The following SV2B variants were observed in gnomAD, a reference collection of about 807,000 sequenced individuals.
The protein encoded by SV2B is synaptic vesicle glycoprotein 2B, also known as solute carrier family 22 member B2.
A neutral mutation model predicts 73.9 loss-of-function variants in SV2B; 41 were observed. That is an observed-to-expected ratio of 0.56 (90% CI 0.43 to 0.72). The LOEUF (loss-of-function observed/expected upper bound fraction) is 0.72. Ranked by LOEUF, SV2B falls within the 30% of genes least tolerant of loss-of-function variation. The probability of loss-of-function intolerance (pLI) is 0.00; values close to 1 mark genes in which losing one functional copy is unlikely to be tolerated. For synonymous variants in SV2B, 314 were observed against 314.2 expected (o/e 1.00, Z 0.01); for missense variants, 764 against 857.8 (o/e 0.89, Z 1.37).
intron 1 of SV2B, among the ~76,000 whole-genome samples, chr15:91,131,116 G>C (rs2042630208): frequency 1.3e-5 from 2 of 150,906 alleles, no homozygotes; most frequent in South Asian, 2.1e-4. Context: ...TTTTGGAGAT[G>C]GGGGGAGATT....
Position 91,301,070 on chromosome 15 carries a change from C to T in SV2B, c.*8518C>T, listed in dbSNP as rs796544445. On this transcript the variant is annotated 3_prime_UTR_variant, in exon 13 of 13. Coordinates refer to ENST00000394232, the MANE Select transcript of SV2B (RefSeq NM_001323032.3). This position sits in a 1 kb window ranked among gnomAD's most constrained non-coding sequence, Gnocchi z 4.3. ...CCAGTCCCATGTCACATTGACCAGT[C>T]CTGTGGTCCTATGGCTAAGCGGAGG... is the stretch of plus-strand genomic sequence containing the variant. The T allele has an allele frequency of 1.5e-4, 23 of 152,252 alleles. No individual in the cohort carries two copies. The highest frequency in any genetic ancestry group is 5.3e-4 in the African/African-American group (22 of 41,526). 9.4% of individuals were successfully genotyped at this position (152,252 alleles called of 1,614,324 possible).
At chr15:91,164,381 C>T (rs537564647) in intron 1 of SV2B, among the ~76,000 whole-genome samples, 8 of 152,300 alleles carry the variant, frequency 5.3e-5, no homozygotes, top group African/African-American at 1.9e-4. Context: ...CTTTCAGCTC[C>T]TTGAGGCCAG....
In SV2B at chr15:91,118,358, T is replaced by G. The variant is rs2042235172; in HGVS notation, c.-392+17995T>G. 6.6e-6 allele frequency among the ~76,000 whole-genome samples: 1 copy of G among 152,242 alleles called. No homozygotes were observed. The highest frequency in any genetic ancestry group is 1.5e-5 in the Non-Finnish European group (1 of 68,040). ...GGTGCCTCTTCTAGTCTGGAAATTT[T>G]GGCAGGCAGCTGATTTAATGGAGTA... is the stretch of plus-strand genomic sequence containing the variant. On this transcript the variant is annotated intron_variant, in intron 1 of 12. Transcript: ENST00000394232. The surrounding 1 kb of genome is among the most constrained non-coding windows in gnomAD (Gnocchi z 4.7).
intron 6 of SV2B, among the ~76,000 whole-genome samples, chr15:91,263,158 A>G (rs545710897): frequency 6.6e-6 from 1 of 152,232 alleles, no homozygotes; most frequent in East Asian, 1.9e-4. Flanking sequence ...ACGGACACAC[A>G]TGAACACAGA....
In SV2B at chr15:91,118,659, C is replaced by T. The variant is rs2042243632; in HGVS notation, c.-392+18296C>T. ...AGAGGCTCCCTACTGCCCAAGAGGG[C>T]CGAGGTGAGGCTGAACACTGTCTCA... On this transcript the variant is annotated intron_variant, in intron 1 of 12. Coordinates refer to ENST00000394232, the MANE Select transcript of SV2B (RefSeq NM_001323032.3). The surrounding 1 kb of genome is among the most constrained non-coding windows in gnomAD (Gnocchi z 4.7). Among the ~76,000 whole-genome samples, 1 of 152,150 alleles carries T rather than the reference C, an allele frequency of 6.6e-6. No individual in the cohort carries two copies. Among genetic ancestry groups the T allele is most frequent in the Admixed American group, 6.5e-5 (1 of 15,280 alleles).
rs372807985 is a variant in SV2B at position 91,226,420 on chromosome 15, A to T, written c.157A>T (p.Ile53Phe). Residue 53 changes from isoleucine (I) to phenylalanine (F), a missense_variant, in exon 2 of 13, where the codon ATC (isoleucine) becomes TTC (phenylalanine). By Grantham distance (21) the Ile-to-Phe change is conservative. Transcript: ENST00000394232. ...GATCTATGAGGGCGAGTACCAGGGT[A>T]TCCCTCACCCAGATGATGTCAAGGC... ...DEIYEGEYQG[I>F]PHPDDVKAKQ... 3 of 1,614,198 alleles carry T rather than the reference A, an allele frequency of 1.9e-6. No homozygotes were observed. Among genetic ancestry groups the T allele is most frequent in the Non-Finnish European group, 2.5e-6 (3 of 1,180,024 alleles).
rs2048147131 is a variant in SV2B, at chr15:91,267,527, A to C, written c.1120-28A>C. On this transcript the variant is annotated intron_variant, in intron 7 of 12. Coordinates refer to ENST00000394232, the MANE Select transcript of SV2B (RefSeq NM_001323032.3). This position sits in a 1 kb window ranked among gnomAD's most constrained non-coding sequence, Gnocchi z 4.3. Reference sequence around the variant, plus strand: ...AACAAAGTCACACATTGCTTTCTTTAACAATCCTTCTCTGGTATGGGTTGT... The same window carrying C: ...AACAAAGTCACACATTGCTTTCTTTCACAATCCTTCTCTGGTATGGGTTGT... 6.3e-7 allele frequency: 1 copy of C among 1,587,082 alleles called. No homozygotes were observed. The highest frequency in any genetic ancestry group is 1.7e-5 in the Admixed American group (1 of 59,586).
chr15:91,196,972 A>G (rs2045267668), intron 1 of SV2B, among the ~76,000 whole-genome samples: 2 of 152,176 alleles, frequency 1.3e-5, no homozygotes, highest in Admixed American at 6.5e-5. Context: ...CACAAACAGC[A>G]CTGCTGCAGG....
rs1305362519 is a variant in SV2B at position 91,283,985 on chromosome 15, C to T, written c.1508-36C>T. ...TGCCTTTCTCTCTCCAGCTCCCTTC[C>T]ACTTACATGAACCGAAGGTTTCCTT... On this transcript the variant is annotated intron_variant, in intron 10 of 12. Transcript: ENST00000394232. The surrounding 1 kb of genome is among the most constrained non-coding windows in gnomAD (Gnocchi z 4.3). The T allele has an allele frequency of 1.9e-6, 3 of 1,608,452 alleles. No individual in the cohort carries two copies. The highest frequency in any genetic ancestry group is 2.7e-5 in the African/African-American group (2 of 74,690).
At chr15:91,131,147 GTTTTT>G (rs56130189) in intron 1 of SV2B, among the ~76,000 whole-genome samples, 1 of 118,088 alleles carries the variant, frequency 8.5e-6, no homozygotes, top group Non-Finnish European at 1.7e-5. Context: ...ATGTTTTCTT[GTTTTT>G]TTTTTTTTTT....
chr15:91,125,697 C>G (rs1198461656), intron 1 of SV2B, among the ~76,000 whole-genome samples: 3 of 148,314 alleles, frequency 2.0e-5, no homozygotes, highest in African/African-American at 7.5e-5. Flanking sequence ...AATGCTTGAG[C>G]CTGGAAGTTT....
At chr15:91,276,608 C>T (rs62026633) in intron 9 of SV2B, among the ~76,000 whole-genome samples, 10 of 151,612 alleles carry the variant, frequency 6.6e-5, no homozygotes, top group East Asian at 1.9e-4. Flanking sequence ...AGTCTATCAA[C>T]GACATTCTTA....
At chr15:91,103,021 A>G (rs1017795312) in intron 1 of SV2B, among the ~76,000 whole-genome samples, 7 of 152,246 alleles carry the variant, frequency 4.6e-5, no homozygotes, top group African/African-American at 1.7e-4. Flanking sequence ...ACCTGAGGTC[A>G]TAGGGGCAAC....
chr15:91,281,989 G>A lies in SV2B; in HGVS notation c.1507+128G>A. 8.6e-7 allele frequency: 1 copy of A among 1,166,916 alleles called. No individual in the cohort carries two copies. The highest frequency in any genetic ancestry group is 2.7e-5 in the Admixed American group (1 of 37,468). 72.3% of individuals were successfully genotyped at this position (1,166,916 alleles called of 1,614,324 possible). On this transcript the variant is annotated intron_variant, in intron 10 of 12. Transcript: ENST00000394232. This position sits in a 1 kb window ranked among gnomAD's most constrained non-coding sequence, Gnocchi z 4.7. ...TTCGTAGATACAAATGCCAAGCCTT[G>A]GTGGGGAAATGGATTTTAGCCCCAG... is the stretch of plus-strand genomic sequence containing the variant.
At position 91,258,612 on chromosome 15, in the gene SV2B, C is replaced by T; in HGVS notation, c.918+58C>T. ...GACAAAACAGCCACAGGAACCCAGC[C>T]TCGCTTCCTTCTCTCAGCTCCTAGT... On this transcript the variant is annotated intron_variant, in intron 5 of 12. Transcript: ENST00000394232. The surrounding 1 kb of genome is among the most constrained non-coding windows in gnomAD (Gnocchi z 4.7). The T allele has an allele frequency of 6.2e-7, 1 of 1,607,530 alleles. No homozygotes were observed. Among genetic ancestry groups the T allele is most frequent in the Non-Finnish European group, 8.5e-7 (1 of 1,176,774 alleles).
Position 91,241,265 on chromosome 15 carries a change from C to T in SV2B, c.452-10554C>T, listed in dbSNP as rs557322984. Among the ~76,000 whole-genome samples the T allele has an allele frequency of 3.8e-4, 58 of 152,312 alleles. No individual in the cohort carries two copies. The highest frequency in any genetic ancestry group is 1.1e-3 in the African/African-American group (47 of 41,566). On this transcript the variant is annotated intron_variant, in intron 2 of 12. Transcript: ENST00000394232. This position sits in a 1 kb window ranked among gnomAD's most constrained non-coding sequence, Gnocchi z 4.8. ...TCCATAATCACAGTCACTTTCTGTG[C>T]GCATCACCAGCTTCCTTGCACCTCT...
At chr15:91,101,625 A>G (rs948252891) in intron 1 of SV2B, among the ~76,000 whole-genome samples, 4 of 152,162 alleles carry the variant, frequency 2.6e-5, no homozygotes, top group African/African-American at 9.7e-5. Context: ...GGCAGTGATT[A>G]GTATAAAAAT....
At chr15:91,249,495 T>C (rs1317760908) in intron 2 of SV2B, among the ~76,000 whole-genome samples, 1 of 152,078 alleles carries the variant, frequency 6.6e-6, no homozygotes, top group Non-Finnish European at 1.5e-5. Context: ...GGTGAGCAGA[T>C]GAAGAAAGAA....
chr15:91,127,650 G>T (rs897478047), intron 1 of SV2B, among the ~76,000 whole-genome samples: 2 of 152,140 alleles, frequency 1.3e-5, no homozygotes, highest in African/African-American at 4.8e-5. Flanking sequence ...GGGGCCCAGG[G>T]ACAGCCCAGA....
Sources: gnomAD v4.1 joint callset for allele counts (sites outside exome capture counted in the v4.1 genomes callset) on GRCh38, gnomAD v4.1.1 for gene constraint, Gnocchi (gnomAD v3.1) non-coding constraint, MANE v1.5 for transcripts, NCBI Gene and HGNC (gene_info 2026-07-23, HGNC 2026-07-21) for gene names.